FMN1: variants seen among roughly 807,000 people sequenced by gnomAD.
FMN1 encodes the protein formin-1.
Under a neutral mutation model 132.4 loss-of-function variants are expected in FMN1, and 110 were observed. The observed-to-expected ratio is 0.83, with a 90% CI of 0.71 to 0.97. The LOEUF (loss-of-function observed/expected upper bound fraction) is 0.97, where lower values mean the gene tolerates loss of function less well. Among genes scored for constraint, FMN1 ranks in the 50% least tolerant of loss-of-function variants. FMN1 has a pLI of 0.00. For missense variants in FMN1, 1,792 were observed against 1,705.3 expected, an observed-to-expected ratio of 1.05 and a Z score of -0.90; for synonymous variants, 722 against 651.7, an observed-to-expected ratio of 1.11 and a Z score of -1.64.
intron 17 of FMN1, among the ~76,000 whole-genome samples, chr15:32,836,664 T>A (rs749247466): frequency 2.2e-4 from 34 of 152,310 alleles, no homozygotes; most frequent in African/African-American, 5.8e-4. Context: ...GATACACCCA[T>A]TGCTTGAGCA....
Position 32,910,468 on chromosome 15 carries a change from A to T in FMN1, c.3288+6T>A. The T allele has an allele frequency of 1.3e-6, 2 of 1,569,336 alleles. No individual in the cohort carries two copies. The highest frequency in any genetic ancestry group is 1.7e-6 in the Non-Finnish European group (2 of 1,155,194). On this transcript the variant is annotated splice_donor_region_variant and intron_variant, in intron 11 of 20. Coordinates refer to ENST00000616417, the MANE Select transcript of FMN1 (RefSeq NM_001277313.2). The stretch of plus-strand genomic sequence containing the variant: ...AATACTAGCTCTGTAAGTCTTTGAC[A>T]CTCACGTTTTCATATAAGGCTGCCA...
At position 32,804,351 on chromosome 15, in the gene FMN1, G is replaced by T; in HGVS notation, c.3929-19C>A. ...TTTTTGGCTGTAAAAGATAAATCAT[G>T]ATTAAAAATTTTTTCTTCTGTTGTC... On this transcript the variant is annotated intron_variant, in intron 17 of 20. Coordinates refer to ENST00000616417, the MANE Select transcript of FMN1 (RefSeq NM_001277313.2). 1.3e-6 allele frequency: 2 copies of T among 1,499,274 alleles called. No individual in the cohort carries two copies. The highest frequency in any genetic ancestry group is 1.2e-5 in the South Asian group (1 of 82,760). 92.9% of individuals were successfully genotyped at this position (1,499,274 alleles called of 1,614,324 possible). A position where few individuals can be genotyped will look rare whatever the true frequency, so the allele number is the denominator to read the frequency against.
chr15:32,872,694 A>C (rs1057253646), intron 16 of FMN1, among the ~76,000 whole-genome samples: 3 of 152,232 alleles, frequency 2.0e-5, no homozygotes, highest in African/African-American at 7.2e-5. Flanking sequence ...ACAGCTGGCT[A>C]CAAAGAGGCC....
At position 32,800,352 on chromosome 15, in the gene FMN1, C is replaced by T. The variant is rs115383049; in HGVS notation, c.3981-1399G>A. On this transcript the variant is annotated intron_variant, in intron 18 of 20. Coordinates refer to ENST00000616417, the MANE Select transcript of FMN1 (RefSeq NM_001277313.2). The stretch of plus-strand genomic sequence containing the variant: ...ATAACTGCAGTAATCTCTTAAGGGA[C>T]TCTATTATAATTCCAAACATACATA... 1.9e-3 allele frequency among the ~76,000 whole-genome samples: 287 copies of T among 152,272 alleles called. 2 individuals are homozygous for T. Among genetic ancestry groups the T allele is most frequent in the African/African-American group, 6.8e-3 (283 of 41,566 alleles).
At chr15:32,959,327 T>A (rs763185542) in intron 9 of FMN1, among the ~76,000 whole-genome samples, 2 of 152,102 alleles carry the variant, frequency 1.3e-5, no homozygotes, top group Non-Finnish European at 2.9e-5. Context: ...AAAACAAACA[T>A]CTGACTCTCA....
chr15:32,922,645 T>A (rs76061618), intron 10 of FMN1, among the ~76,000 whole-genome samples: 9,607 of 152,226 alleles, frequency 0.063, 430 homozygotes, highest in Middle Eastern at 0.15. Flanking sequence ...TGGGAGACAA[T>A]TGCAGACTGA....
chr15:33,046,694 G>A (rs1361222393), intron 6 of FMN1, among the ~76,000 whole-genome samples: 1 of 152,150 alleles, frequency 6.6e-6, no homozygotes, highest in Non-Finnish European at 1.5e-5. Context: ...AGAGAACCCA[G>A]AAACCTGACA....
At chr15:32,940,645 C>T (rs2061382230) in intron 9 of FMN1, among the ~76,000 whole-genome samples, 1 of 152,096 alleles carries the variant, frequency 6.6e-6, no homozygotes, top group African/African-American at 2.4e-5. Flanking sequence ...CAAACACATT[C>T]CCAAAAGAAT....
intron 5 of FMN1, among the ~76,000 whole-genome samples, chr15:33,072,181 G>C (rs922511): frequency 0.25 from 38,230 of 152,146 alleles, 6,038 homozygotes; most frequent in Admixed American, 0.34. Flanking sequence ...GATTAAAAAT[G>C]ATCCACCTCA....
Position 32,777,847 on chromosome 15 carries a change from TAA to T in FMN1, c.4131-930_4131-929del, listed in dbSNP as rs2056509330. Among the ~76,000 whole-genome samples, 11 of 71,470 alleles carry T rather than the reference TAA, an allele frequency of 1.5e-4. 5 individuals carry two copies. Among genetic ancestry groups the T allele is most frequent in the African/African-American group, 6.0e-4 (9 of 15,126 alleles). The allele number at this position is 71,470 out of a possible 152,430, so 46.9% of individuals were successfully genotyped here. A position where few individuals can be genotyped will look rare whatever the true frequency, so the allele number is the denominator to read the frequency against. On this transcript the variant is annotated intron_variant, in intron 19 of 20. Coordinates refer to ENST00000616417, the MANE Select transcript of FMN1 (RefSeq NM_001277313.2). Reference sequence around the variant, plus strand: ...ATATTATGTATAATATATAATACATTAATTATATATTATGTATAATATATAAT... The same window carrying T: ...ATATTATGTATAATATATAATACATTTTATATATTATGTATAATATATAAT...
intron 19 of FMN1, among the ~76,000 whole-genome samples, chr15:32,779,598 G>A (rs559709766): frequency 7.9e-5 from 12 of 152,228 alleles, no homozygotes; most frequent in African/African-American, 2.9e-4. Context: ...TTTCACTGTG[G>A]CAATATATGC....
chr15:32,817,662 A>ACCATT (rs2058094890), intron 17 of FMN1, among the ~76,000 whole-genome samples: 1 of 152,254 alleles, frequency 6.6e-6, no homozygotes, highest in South Asian at 2.1e-4. Flanking sequence ...CAGTAGATGA[A>ACCATT]CCATTAGCAG....
chr15:32,968,798 C>A lies in FMN1; in HGVS notation c.2903G>T (p.Ser968Ile). Residue 968 changes from serine to isoleucine, a missense_variant, in exon 8 of 21, where the codon AGT becomes ATT. By Grantham distance (142) the Ser-to-Ile change is moderately radical. Around this residue, in one of 3 missense-constraint regions of FMN1, gnomAD observed 1,150 missense variants for 1,043.1 expected, o/e 1.10. Transcript: ENST00000616417. ...GATGGCTGGTTTTCGAGGACATTGA[C>A]TGGAAGAAGAGCCAAGTCCAAAGAA... is the stretch of plus-strand genomic sequence containing the variant. The part of the protein sequence containing the change: ...GLFFGLGSSS[S>I]QCPRKPAIEP... 1 of 1,609,802 alleles carries A rather than the reference C, an allele frequency of 6.2e-7. No individual in the cohort carries two copies. The highest frequency in any genetic ancestry group is 1.1e-5 in the South Asian group (1 of 90,854).
At chr15:33,109,609 T>C (rs370476522) in intron 4 of FMN1, among the ~76,000 whole-genome samples, 4 of 152,062 alleles carry the variant, frequency 2.6e-5, no homozygotes, top group African/African-American at 7.2e-5. Flanking sequence ...AAATACTGCG[T>C]GTTCTCACTT....
In FMN1 at chr15:33,049,368, C is replaced by A. The variant is rs146102473; in HGVS notation, c.2161+15589G>T. Among the ~76,000 whole-genome samples the A allele has an allele frequency of 1.6e-3, 245 of 152,272 alleles. 1 individual carries two copies. Among genetic ancestry groups the A allele is most frequent in the Admixed American group, 3.1e-3 (48 of 15,298 alleles). On this transcript the variant is annotated intron_variant, in intron 6 of 20. Transcript: ENST00000616417. ...TTTAAGGAAACACATAGCTCCTAGA[C>A]CAGAACAGACCAGGTTTGTTCTCCT...
At chr15:32,999,301 TG>T (rs1454696281) in intron 7 of FMN1, among the ~76,000 whole-genome samples, 5 of 152,238 alleles carry the variant, frequency 3.3e-5, no homozygotes, top group African/African-American at 1.2e-4. Context: ...GGAACAGGCT[TG>T]GGATTTATGC....
At chr15:33,107,317 G>A (rs913683843) in intron 4 of FMN1, among the ~76,000 whole-genome samples, 6 of 151,796 alleles carry the variant, frequency 4.0e-5, no homozygotes, top group Non-Finnish European at 4.4e-5. Flanking sequence ...TCTTCCACTC[G>A]TGCCTAGACA....
intron 17 of FMN1, among the ~76,000 whole-genome samples, chr15:32,816,880 A>AT (rs1352408717): frequency 6.6e-6 from 1 of 152,220 alleles, no homozygotes; most frequent in African/African-American, 2.4e-5. Flanking sequence ...CATTCTACAT[A>AT]TTTTTTACAA....
Position 32,938,387 on chromosome 15 carries a change from G to A in FMN1, c.3139-12126C>T, listed in dbSNP as rs1038523453. ...CTACTAAAAATACAAAAATTAGGTGGGTGTGGTGGCACACTCCCGTAATCC... is the reference window on the plus strand; with the variant it reads ...CTACTAAAAATACAAAAATTAGGTGAGTGTGGTGGCACACTCCCGTAATCC... On this transcript the variant is annotated intron_variant, in intron 9 of 20. Transcript: ENST00000616417. 2.0e-5 allele frequency among the ~76,000 whole-genome samples: 3 copies of A among 152,000 alleles called. No individual in the cohort carries two copies. The East Asian group carries it at 5.8e-4, about 29-fold the overall frequency.
Sources: allele counts gnomAD v4.1 joint callset (sites outside exome capture counted in the v4.1 genomes callset), GRCh38; gene constraint gnomAD v4.1.1; regional missense constraint gnomAD v4.1.1; transcripts MANE v1.5; gene names NCBI Gene and HGNC (gene_info 2026-07-23, HGNC 2026-07-21).